The following REPS2 variants were observed in gnomAD, a reference collection of about 807,000 sequenced individuals.
REPS2 encodes RALBP1 associated Eps domain containing 2.
A neutral mutation model predicts 53.6 loss-of-function variants in REPS2; 23 were observed. The observed-to-expected ratio is 0.43, with a 90% confidence interval of 0.31 to 0.61. The LOEUF is 0.61. REPS2 is among the 20% of genes least tolerant of loss of function. The pLI, the probability that REPS2 is intolerant of heterozygous loss-of-function variation, is 0.11. For missense variants in REPS2, 446 were observed against 534.9 expected (o/e 0.83, Z 1.64); for synonymous variants, 238 against 218.6 (o/e 1.09, Z -0.78).
intron 1 of REPS2, among the ~76,000 whole-genome samples, chrX:16,971,618 A>G (rs2060895802): frequency 8.9e-6 from 1 of 112,228 alleles, no homozygotes; most frequent in African/African-American, 3.2e-5. Flanking sequence ...CAAAGATTTC[A>G]CTTATGTTTT....
intron 2 of REPS2, among the ~76,000 whole-genome samples, chrX:17,007,018 AG>A (rs1264178941): frequency 1.8e-5 from 2 of 112,440 alleles, no homozygotes; most frequent in Non-Finnish European, 3.8e-5. Flanking sequence ...TGATTATTCA[AG>A]GGGTGTGCCA....
intron 2 of REPS2, among the ~76,000 whole-genome samples, chrX:17,007,567 A>G (rs1403985403): frequency 9.0e-6 from 1 of 111,211 alleles, no homozygotes; most frequent in Non-Finnish European, 1.9e-5. Context: ...CCAACACAAC[A>G]CCTGTTCCCA....
intron 16 of REPS2, chrX:17,136,691 A>G (rs187547198): frequency 8.9e-6 from 1 of 112,359 alleles, no homozygotes; most frequent in East Asian, 2.8e-4. Context: ...TGTACAATTC[A>G]GTGGTTCTTA....
intron 1 of REPS2, among the ~76,000 whole-genome samples, chrX:16,969,757 A>AGGGAGAGG (rs2060858635): frequency 3.0e-5 from 2 of 66,218 alleles, no homozygotes; most frequent in Non-Finnish European, 5.0e-5. Context: ...GGAGACCGAG[A>AGGGAGAGG]GGGAGAGGGA....
intron 5 of REPS2, among the ~76,000 whole-genome samples, chrX:17,046,641 C>G (rs768745246): frequency 8.9e-6 from 1 of 112,322 alleles, no homozygotes; most frequent in Non-Finnish European, 1.9e-5. Flanking sequence ...TTTGTTTTCT[C>G]CCGCACTGCT....
the REPS2 span, among the ~76,000 whole-genome samples, chrX:17,191,180 T>C: frequency 9.0e-6 from 1 of 111,704 alleles, no homozygotes; most frequent in South Asian, 3.7e-4. Context: ...GACAAGCAGA[T>C]TGAAAGAAAA....
intron 8 of REPS2, among the ~76,000 whole-genome samples, chrX:17,056,226 C>A (rs1286893317): frequency 9.0e-6 from 1 of 111,386 alleles, no homozygotes; most frequent in African/African-American, 3.3e-5. Flanking sequence ...AGTCACTTAC[C>A]CTTTCATGAC....
chrX:17,165,615 C>G, the REPS2 span, among the ~76,000 whole-genome samples: 2 of 111,718 alleles, frequency 1.8e-5, no homozygotes, highest in African/African-American at 6.5e-5. Context: ...TGCTTTTGAA[C>G]AGACTCTGCT....
chrX:17,044,803 G>T (rs2061883700), intron 5 of REPS2, among the ~76,000 whole-genome samples: 2 of 112,257 alleles, frequency 1.8e-5, no homozygotes, highest in South Asian at 7.4e-4. Flanking sequence ...ATGGAACCTG[G>T]TCAGACATCT....
chrX:17,047,729 A>G (rs2147914090), intron 6 of REPS2, among the ~76,000 whole-genome samples: 1 of 113,042 alleles, frequency 8.8e-6, no homozygotes, highest in Admixed American at 9.3e-5. Context: ...CCTGCACCTT[A>G]TCAGCTGAGG....
intron 9 of REPS2, among the ~76,000 whole-genome samples, chrX:17,063,487 C>T (rs1335615802): frequency 1.8e-5 from 2 of 111,804 alleles, no homozygotes; most frequent in Non-Finnish European, 3.8e-5. Flanking sequence ...CCAGTCAAGC[C>T]TGCCTTTCCA....
At chrX:16,972,838 C>G (rs1053885123) in intron 1 of REPS2, among the ~76,000 whole-genome samples, 2 of 111,371 alleles carry the variant, frequency 1.8e-5, no homozygotes, top group South Asian at 3.7e-4. Context: ...ATATTCCTCA[C>G]CCTGCTCCCT....
chrX:16,987,431 G>C (rs1178515191), intron 1 of REPS2, among the ~76,000 whole-genome samples: 1 of 112,179 alleles, frequency 8.9e-6, no homozygotes, highest in Non-Finnish European at 1.9e-5. Flanking sequence ...TAGCATTAAT[G>C]TTTACCTGTA....
chrX:16,998,298 C>T lies in REPS2; in HGVS notation c.274-7923C>T, dbSNP rs113360022. ...GATTCAGAATTGAAGAGGTACAAAA[C>T]AATAACCAATAAACTCTTTCTCCCC... On this transcript the variant is annotated intron_variant, in intron 1 of 17. Coordinates refer to ENST00000357277, the MANE Select transcript of REPS2 (RefSeq NM_004726.3). Among the ~76,000 whole-genome samples, 592 of 111,424 alleles carry T rather than the reference C, an allele frequency of 5.3e-3. 5 individuals carry two copies. The highest frequency in any genetic ancestry group is 0.019 in the African/African-American group (570 of 30,656).
chrX:17,036,939 A>G (rs1386871583), intron 5 of REPS2, among the ~76,000 whole-genome samples: 1 of 109,832 alleles, frequency 9.1e-6, no homozygotes, highest in Non-Finnish European at 1.9e-5. Context: ...CTTTCACCAA[A>G]TTCATTCCTC....
At chrX:17,086,283 A>G (rs774455428) in intron 13 of REPS2, among the ~76,000 whole-genome samples, 1 of 112,345 alleles carries the variant, frequency 8.9e-6, no homozygotes, top group East Asian at 2.8e-4. Flanking sequence ...GCACCACATT[A>G]AGAGATCTCT....
chrX:17,011,637 C>T (rs922820253), intron 2 of REPS2, among the ~76,000 whole-genome samples: 1 of 112,288 alleles, frequency 8.9e-6, no homozygotes, highest in African/African-American at 3.2e-5. Context: ...GCTTCTAGGC[C>T]TGGCACAGTT....
At chrX:17,059,011 TTC>T (rs2062114617) in intron 8 of REPS2, among the ~76,000 whole-genome samples, 3 of 108,898 alleles carry the variant, frequency 2.8e-5, no homozygotes, top group Non-Finnish European at 5.7e-5. Context: ...CTTTCTTTCT[TTC>T]TTTTTTTTTT....
At chrX:17,082,526 A>G (rs954920352) in intron 13 of REPS2, among the ~76,000 whole-genome samples, 2 of 112,530 alleles carry the variant, frequency 1.8e-5, no homozygotes, top group Non-Finnish European at 3.8e-5. Context: ...ATCCAGGGCT[A>G]GTGTCTGTCC....
Sources: allele counts gnomAD v4.1 joint callset (sites outside exome capture counted in the v4.1 genomes callset), GRCh38; gene constraint gnomAD v4.1.1; transcripts MANE v1.5; gene names NCBI Gene and HGNC (gene_info 2026-07-23, HGNC 2026-07-21).